Variants in STXBP4 observed in about 807,000 individuals in gnomAD.
STXBP4 encodes syntaxin-binding protein 4.
Under a neutral mutation model 76.1 loss-of-function variants are expected in STXBP4, and 55 were observed. The observed-to-expected ratio is 0.72, with a 90% CI of 0.58 to 0.91. The LOEUF (loss-of-function observed/expected upper bound fraction) is 0.91. Ranked by LOEUF, STXBP4 falls within the 40% of genes least tolerant of loss-of-function variation. The probability of loss-of-function intolerance (pLI) is 0.00; values close to 1 mark genes in which losing one functional copy is unlikely to be tolerated. For missense variants in STXBP4, 618 were observed against 636.9 expected, an observed-to-expected ratio of 0.97 and a Z score of 0.32; for synonymous variants, 201 against 220.2, an observed-to-expected ratio of 0.91 and a Z score of 0.77.
chr17:55,144,554 G>A (rs976176286), intron 17 of STXBP4, among the ~76,000 whole-genome samples: 2 of 152,150 alleles, frequency 1.3e-5, no homozygotes, highest in African/African-American at 4.8e-5. Flanking sequence ...CAGTGTCCCT[G>A]TTCCTCTCCT....
chr17:55,018,280 G>C (rs1486458103), intron 8 of STXBP4, among the ~76,000 whole-genome samples: 4 of 152,178 alleles, frequency 2.6e-5, no homozygotes, highest in African/African-American at 9.7e-5. Context: ...AACGGCAATG[G>C]GCAACTTGCT....
chr17:55,096,595 T>G (rs979343377), intron 16 of STXBP4, among the ~76,000 whole-genome samples: 1 of 151,868 alleles, frequency 6.6e-6, no homozygotes, highest in African/African-American at 2.4e-5. Context: ...GTTTTTTTAT[T>G]GGAAACTTTC....
intron 16 of STXBP4, among the ~76,000 whole-genome samples, chr17:55,106,927 C>A (rs887813423): frequency 1.3e-5 from 2 of 152,148 alleles, no homozygotes; most frequent in African/African-American, 4.8e-5. Flanking sequence ...GGTTGCTCTT[C>A]TTGAGGAGTA....
At chr17:55,073,905 AG>A (rs2079150556) in intron 13 of STXBP4, among the ~76,000 whole-genome samples, 1 of 152,164 alleles carries the variant, frequency 6.6e-6, no homozygotes, top group Non-Finnish European at 1.5e-5. Context: ...CTGGGATTAC[AG>A]GCATGAGCCA....
the STXBP4 span, among the ~76,000 whole-genome samples, chr17:55,180,437 G>A: frequency 2.6e-5 from 4 of 152,092 alleles, no homozygotes; most frequent in Non-Finnish European, 5.9e-5. Context: ...GTTTGAGGTT[G>A]GGTGAGATTT....
intron 16 of STXBP4, among the ~76,000 whole-genome samples, chr17:55,115,498 TAA>T (rs2079770376): frequency 6.6e-6 from 1 of 151,908 alleles, no homozygotes; most frequent in African/African-American, 2.4e-5. Context: ...TAGCTCATCT[TAA>T]GTTTTCTTCT....
intron 6 of STXBP4, 137 bp from the exon 7 acceptor site, chr17:55,000,670 CA>C (rs1245770982): frequency 3.0e-6 from 2 of 673,260 alleles, no homozygotes; most frequent in African/African-American, 3.7e-5. Flanking sequence ...TTTGAAGATG[CA>C]TATACCAAAA....
rs1334510915 is a variant in STXBP4, at chr17:55,171,043, T to C, written c.*11132T>C. On this transcript the variant is annotated 3_prime_UTR_variant, in exon 18 of 18. Transcript: ENST00000376352. ...AAGTTTACCGTCTTTATCTTGCCAT[T>C]GTCAAAGATCCTGGACCTATTTTTT... 1 of 152,240 alleles carries C rather than the reference T, an allele frequency of 6.6e-6. No individual in the cohort carries two copies. Among genetic ancestry groups the C allele is most frequent in the Non-Finnish European group, 1.5e-5 (1 of 68,038 alleles). The allele number at this position is 152,240 out of a possible 1,614,324, so 9.4% of individuals were successfully genotyped here.
intron 4 of STXBP4, 89 bp from the exon 5 acceptor site, chr17:54,999,256 A>G (rs1379702913): frequency 2.8e-6 from 3 of 1,052,860 alleles, no homozygotes; most frequent in Non-Finnish European, 4.2e-6. Flanking sequence ...GGCATTCTTC[A>G]CGAAAACTTT....
intron 1 of STXBP4, among the ~76,000 whole-genome samples, chr17:54,972,132 C>A (rs532726876): frequency 1.3e-5 from 2 of 152,186 alleles, no homozygotes; most frequent in African/African-American, 4.8e-5. Flanking sequence ...ACTTCTGTTT[C>A]TTTAAGATTG....
At chr17:55,185,344 C>CCTCCTCCTCCTCCTCCTCCTT in the STXBP4 span, among the ~76,000 whole-genome samples, 4 of 141,900 alleles carry the variant, frequency 2.8e-5, no homozygotes, top group South Asian at 4.8e-4. Flanking sequence ...TCCTCCTCCT[C>CCTCCTCCTCCTCCTCCTCCTT]CTCCTTCTCC....
chr17:55,060,005 G>A (rs186501044), intron 12 of STXBP4, among the ~76,000 whole-genome samples: 25 of 152,166 alleles, frequency 1.6e-4, no homozygotes, highest in African/African-American at 6.0e-4. Flanking sequence ...GGGTAAAGAT[G>A]TGTGGATTCA....
At chr17:55,147,746 G>A (rs2080173429) in intron 17 of STXBP4, among the ~76,000 whole-genome samples, 1 of 152,162 alleles carries the variant, frequency 6.6e-6, no homozygotes, top group Admixed American at 6.5e-5. Flanking sequence ...TTTCTGTGTA[G>A]AACAGGGAAG....
rs201632282 is a variant in STXBP4 at position 55,157,895 on chromosome 17, C to T, written c.1548-1902C>T. ...AAATTGTGTTCTATGGAACACTGGC[C>T]CTGTGTTTGTTAACGGAGATATGTT... On this transcript the variant is annotated intron_variant, in intron 17 of 17. Coordinates refer to ENST00000376352, the MANE Select transcript of STXBP4 (RefSeq NM_178509.6). 1.2e-4 allele frequency among the ~76,000 whole-genome samples: 18 copies of T among 152,130 alleles called. No individual in the cohort carries two copies. In the East Asian group the frequency reaches 3.3e-3, roughly 28 times the overall value.
chr17:55,004,665 C>A (rs1402339841), intron 7 of STXBP4, among the ~76,000 whole-genome samples: 1 of 151,572 alleles, frequency 6.6e-6, no homozygotes, highest in African/African-American at 2.4e-5. Context: ...TAGGCCACTG[C>A]ACTCCAGCCT....
At position 55,101,136 on chromosome 17, in the gene STXBP4, A is replaced by G. The variant is rs551808915; in HGVS notation, c.1489+19953A>G. Among the ~76,000 whole-genome samples, 12 of 152,328 alleles carry G rather than the reference A, an allele frequency of 7.9e-5. No homozygotes were observed. In the East Asian group the frequency reaches 2.3e-3, roughly 29 times the overall value. On this transcript the variant is annotated intron_variant, in intron 16 of 17. Coordinates refer to ENST00000376352, the MANE Select transcript of STXBP4 (RefSeq NM_178509.6). ...GTGGTAGTTTGTTACACCACAATAT[A>G]AATTAACACCATAAACTATTGCCAT...
chr17:55,069,274 T>G (rs1297394790), intron 12 of STXBP4, among the ~76,000 whole-genome samples: 2 of 152,160 alleles, frequency 1.3e-5, no homozygotes, highest in Non-Finnish European at 2.9e-5. Context: ...TTTTCTGACT[T>G]ACTACTATAT....
intron 10 of STXBP4, among the ~76,000 whole-genome samples, chr17:55,042,763 G>A (rs2078725485): frequency 6.6e-6 from 1 of 151,988 alleles, no homozygotes; most frequent in Non-Finnish European, 1.5e-5. Flanking sequence ...CTTGTCTGTT[G>A]CATTACATTT....
At chr17:55,070,574 C>T (rs2079107913) in intron 12 of STXBP4, among the ~76,000 whole-genome samples, 2 of 152,122 alleles carry the variant, frequency 1.3e-5, no homozygotes, top group African/African-American at 2.4e-5. Flanking sequence ...CATCTGGCAC[C>T]CTGCTGCCAG....
Sources: allele counts gnomAD v4.1 joint callset (sites outside exome capture counted in the v4.1 genomes callset), GRCh38; gene constraint gnomAD v4.1.1; transcripts MANE v1.5; gene names NCBI Gene and HGNC (gene_info 2026-07-23, HGNC 2026-07-21).